The following KIF20B variants were observed in gnomAD, a reference collection of about 807,000 sequenced individuals.
KIF20B encodes the protein kinesin family member 20B.
KIF20B carries 188 observed loss-of-function variants against 232.5 expected under a neutral mutation model. The observed-to-expected ratio is 0.81, with a 90% confidence interval of 0.72 to 0.91. The LOEUF is 0.91. Among genes scored for constraint, KIF20B ranks in the 40% least tolerant of loss-of-function variants. The pLI, the probability that KIF20B is intolerant of heterozygous loss-of-function variation, is 0.00. For synonymous variants in KIF20B, 712 were observed against 683.0 expected (o/e 1.04, Z -0.66); for missense variants, 2,154 against 2,055.9 (o/e 1.05, Z -0.92).
At chr10:89,752,980 A>G (rs7092444) in intron 25 of KIF20B, among the ~76,000 whole-genome samples, 46,988 of 152,072 alleles carry the variant, frequency 0.31, 8,171 homozygotes, top group African/African-American at 0.46. Context: ...CCTTGTGCCC[A>G]TTTTTCTACT....
chr10:89,704,854 A>G (rs1371107224), intron 1 of KIF20B, among the ~76,000 whole-genome samples: 1 of 152,180 alleles, frequency 6.6e-6, no homozygotes, highest in Non-Finnish European at 1.5e-5. Context: ...ACCGCACCAG[A>G]CCCAGATAAC....
At chr10:89,727,534 G>A (rs1303825239) in intron 16 of KIF20B, among the ~76,000 whole-genome samples, 1 of 152,144 alleles carries the variant, frequency 6.6e-6, no homozygotes, top group Non-Finnish European at 1.5e-5. Context: ...ACACGTAAGT[G>A]GTGCCTTTGC....
chr10:89,769,385 G>T (rs1317087839), intron 31 of KIF20B, among the ~76,000 whole-genome samples: 2 of 151,850 alleles, frequency 1.3e-5, no homozygotes, highest in Admixed American at 6.6e-5. Flanking sequence ...TAAAAACCAT[G>T]GCTTCAGGCC....
At chr10:89,755,260 A>C (rs1489740846) in intron 26 of KIF20B, among the ~76,000 whole-genome samples, 1 of 152,238 alleles carries the variant, frequency 6.6e-6, no homozygotes, top group East Asian at 1.9e-4. Flanking sequence ...GTGTCTATAA[A>C]AATAGTAACT....
In KIF20B at chr10:89,709,427, C is replaced by T. The variant is rs759189061; in HGVS notation, c.317C>T (p.Ser106Leu). Residue 106 changes from serine (S) to leucine (L), a missense_variant, in exon 4 of 33, where the codon TCA (serine) becomes TTA (leucine). Coordinates refer to ENST00000371728, the MANE Select transcript of KIF20B (RefSeq NM_001284259.2). ...CTTGGTCGGTTAAGTGAAAAAAGCT[C>T]AGGGCAGATGGCACAGAAATTCAGT... ...CILGRLSEKS[S>L]GQMAQKFSFS... is the part of the protein sequence containing the mutation. 2.1e-5 allele frequency: 34 copies of T among 1,613,014 alleles called. No individual in the cohort carries two copies. The East Asian group carries it at 4.2e-4, about 20-fold the overall frequency.
Position 89,743,798 on chromosome 10 carries a change from T to C in KIF20B, c.3916-10T>C. The C allele has an allele frequency of 7.1e-7, 1 of 1,409,496 alleles. No individual in the cohort carries two copies. Among genetic ancestry groups the C allele is most frequent in the South Asian group, 1.4e-5 (1 of 70,008 alleles). 87.3% of individuals were successfully genotyped at this position (1,409,496 alleles called of 1,614,324 possible). A position where few individuals can be genotyped will look rare whatever the true frequency, so the allele number is the denominator to read the frequency against. On this transcript the variant is annotated splice_polypyrimidine_tract_variant and intron_variant, in intron 21 of 32. Transcript: ENST00000371728. ...AATATTCCATTTGTTTTATAAACAT[T>C]ATTTTGTAGGTATCTGTAATGCGTG...
chr10:89,723,962 A>T lies in KIF20B; in HGVS notation c.1723-2A>T, dbSNP rs1843121241. On this transcript the variant is annotated splice_acceptor_variant, in intron 13 of 32. Transcript: ENST00000371728. LOFTEE classifies it high-confidence loss of function. The stretch of plus-strand genomic sequence containing the variant: ...AAGAATTTTATCATTTACATGTAAT[A>T]GAAACTGTTGGACTTAATAGAAGAC... 6.6e-7 allele frequency: 1 copy of T among 1,522,664 alleles called. No homozygotes were observed. Among genetic ancestry groups the T allele is most frequent in the Admixed American group, 2.2e-5 (1 of 45,768 alleles). The allele number at this position is 1,522,664 out of a possible 1,614,324, so 94.3% of individuals were successfully genotyped here. A position where few individuals can be genotyped will look rare whatever the true frequency, so the allele number is the denominator to read the frequency against.
chr10:89,738,758 A>G (rs1589868225), intron 20 of KIF20B, 141 bp downstream of exon 20: 2 of 1,227,026 alleles, frequency 1.6e-6, no homozygotes, highest in Non-Finnish European at 2.2e-6. Flanking sequence ...CTTTGTCCAT[A>G]TAAACCTTTG....
At chr10:89,714,898 C>T (rs1842906040) in intron 7 of KIF20B, 57 bp from the exon 8 acceptor site, 8 of 1,028,332 alleles carry the variant, frequency 7.8e-6, no homozygotes, top group East Asian at 4.9e-5. Context: ...ACTTTTGTCA[C>T]GTTTTTAGTC....
chr10:89,751,792 G>A (rs940579545), intron 24 of KIF20B, among the ~76,000 whole-genome samples: 2 of 151,914 alleles, frequency 1.3e-5, no homozygotes, highest in Admixed American at 6.6e-5. Flanking sequence ...CAGGCTTTTA[G>A]CATTATCTTG....
At chr10:89,742,395 C>G (rs1440226836) in intron 21 of KIF20B, among the ~76,000 whole-genome samples, 1 of 152,106 alleles carries the variant, frequency 6.6e-6, no homozygotes, top group Non-Finnish European at 1.5e-5. Flanking sequence ...TGTCTAAGTT[C>G]ACTTGTCTTA....
At chr10:89,739,118 G>A in intron 21 of KIF20B, 22 bp downstream of exon 21, 6 of 1,608,034 alleles carry the variant, frequency 3.7e-6, no homozygotes, top group African/African-American at 2.7e-5. Context: ...GAAAAGTTAT[G>A]TGGCCAGTTT....
intron 9 of KIF20B, 98 bp downstream of exon 9, chr10:89,716,645 C>A (rs1055936450): frequency 3.0e-6 from 2 of 667,996 alleles, no homozygotes; most frequent in Non-Finnish European, 5.3e-6. Flanking sequence ...GCAGTAGGTT[C>A]TCTCGTGTTA....
At chr10:89,748,436 T>C (rs977650238) in intron 23 of KIF20B, among the ~76,000 whole-genome samples, 23 of 152,364 alleles carry the variant, frequency 1.5e-4, no homozygotes, top group Admixed American at 3.9e-4. Context: ...CCAGGTGTGC[T>C]TCACTCTTAA....
At chr10:89,703,918 A>G (rs1842667916) in intron 1 of KIF20B, among the ~76,000 whole-genome samples, 2 of 151,950 alleles carry the variant, frequency 1.3e-5, no homozygotes, top group South Asian at 4.2e-4. Flanking sequence ...ACACCCGGCT[A>G]ATTTTTGTAT....
At chr10:89,718,199 C>T (rs1162934751) in intron 11 of KIF20B, among the ~76,000 whole-genome samples, 1 of 151,910 alleles carries the variant, frequency 6.6e-6, no homozygotes, top group African/African-American at 2.4e-5. Flanking sequence ...TTATAATTTA[C>T]ATAGTGGGTT....
At chr10:89,747,688 A>T (rs1403597393) in intron 23 of KIF20B, among the ~76,000 whole-genome samples, 2 of 151,624 alleles carry the variant, frequency 1.3e-5, no homozygotes, top group African/African-American at 4.8e-5. Flanking sequence ...TTGAACAATG[A>T]GAGCACATGG....
At chr10:89,702,577 A>G (rs1473532976) in intron 1 of KIF20B, among the ~76,000 whole-genome samples, 1 of 152,206 alleles carries the variant, frequency 6.6e-6, no homozygotes, top group Non-Finnish European at 1.5e-5. Flanking sequence ...GTTGTAGACC[A>G]CATTCAGAAA....
Position 89,705,409 on chromosome 10 carries a change from C to G in KIF20B, c.115C>G (p.His39Asp). 6.2e-7 allele frequency: 1 copy of G among 1,614,012 alleles called. No homozygotes were observed. Among genetic ancestry groups the G allele is most frequent in the Non-Finnish European group, 8.5e-7 (1 of 1,179,946 alleles). ...CGATGGCATTAAGCTTGATCTGTCT[C>G]ATGAATTTTCCTTAGTTGCTCCAAA... ...NFDGIKLDLS[H>D]EFSLVAPNTE... The change falls in exon 2 of 33, where the codon CAT becomes GAT. Residue 39 changes from histidine (H) to aspartate (D), a missense_variant. His to Asp is a moderately conservative substitution (Grantham distance 81). Transcript: ENST00000371728.
Sources: gnomAD v4.1 joint callset for allele counts (sites outside exome capture counted in the v4.1 genomes callset) on GRCh38, gnomAD v4.1.1 for gene constraint, MANE v1.5 for transcripts, NCBI Gene and HGNC (gene_info 2026-07-23, HGNC 2026-07-21) for gene names.